Variants in NYAP2 observed in about 807,000 individuals in gnomAD.
NYAP2 encodes the protein neuronal tyrosine-phosphorylated phosphoinositide-3-kinase adaptor 2.
In NYAP2, 23 loss-of-function variants were observed where a neutral mutation model predicts 50.4. The ratio of observed to expected loss-of-function variants is 0.46; its 90% CI spans 0.33 to 0.65. The LOEUF (loss-of-function observed/expected upper bound fraction) is 0.65, where lower values mean the gene tolerates loss of function less well. Ranked by LOEUF, NYAP2 falls within the 30% of genes least tolerant of loss-of-function variation. NYAP2 has a pLI of 0.02. For missense variants in NYAP2, 885 were observed against 861.0 expected (o/e 1.03, Z -0.35); for synonymous variants, 394 against 365.2 (o/e 1.08, Z -0.90).
chr2:225,689,020 G>C, the NYAP2 span, among the ~76,000 whole-genome samples: 3 of 152,164 alleles, frequency 2.0e-5, no homozygotes, highest in Admixed American at 1.3e-4. Context: ...GGGATTACAG[G>C]TGTGAGCCAC....
chr2:225,615,267 T>C (rs1400099988), intron 5 of NYAP2, among the ~76,000 whole-genome samples: 1 of 151,978 alleles, frequency 6.6e-6, no homozygotes, highest in Non-Finnish European at 1.5e-5. Flanking sequence ...AATGAAAAAA[T>C]AGATTGAGTT....
chr2:225,560,588 T>C (rs932876297), intron 4 of NYAP2, among the ~76,000 whole-genome samples: 1 of 152,092 alleles, frequency 6.6e-6, no homozygotes, highest in Admixed American at 6.6e-5. Flanking sequence ...CAGTGGGATC[T>C]TTCCTATCAA....
the NYAP2 span, among the ~76,000 whole-genome samples, chr2:225,681,835 G>T: frequency 6.6e-6 from 1 of 152,076 alleles, no homozygotes; most frequent in African/African-American, 2.4e-5. Context: ...CTTATTCACA[G>T]AGCCTCAGTT....
intron 3 of NYAP2, among the ~76,000 whole-genome samples, chr2:225,480,562 G>A (rs937983197): frequency 4.6e-5 from 7 of 152,020 alleles, no homozygotes; most frequent in African/African-American, 1.4e-4. Flanking sequence ...AAAAATGCAG[G>A]CTTCATAGAA....
chr2:225,409,988 G>A (rs944336103), intron 3 of NYAP2, among the ~76,000 whole-genome samples: 1 of 151,986 alleles, frequency 6.6e-6, no homozygotes, highest in Non-Finnish European at 1.5e-5. Flanking sequence ...GGTTAATTGG[G>A]AGATTTTTTC....
chr2:225,676,703 A>C, the NYAP2 span, among the ~76,000 whole-genome samples: 1 of 152,148 alleles, frequency 6.6e-6, no homozygotes, highest in Non-Finnish European at 1.5e-5. Flanking sequence ...GTCATCTCCC[A>C]CCAGATCCCT....
chr2:225,548,337 G>A (rs1036115212), intron 4 of NYAP2, among the ~76,000 whole-genome samples: 4 of 147,734 alleles, frequency 2.7e-5, no homozygotes, highest in African/African-American at 5.0e-5. Context: ...TACTAGATAC[G>A]CAAAATTCTT....
At chr2:225,655,970 A>G (rs1433073792), downstream of NYAP2, among the ~76,000 whole-genome samples, 2 of 151,300 alleles carry the variant, frequency 1.3e-5, no homozygotes, top group Non-Finnish European at 3.0e-5. Flanking sequence ...AATCTCACAC[A>G]TTCACTCACA....
At chr2:225,434,859 G>GAT (rs1044681231) in intron 3 of NYAP2, among the ~76,000 whole-genome samples, 12 of 152,012 alleles carry the variant, frequency 7.9e-5, no homozygotes, top group African/African-American at 2.4e-4. Context: ...AAGGCAACTT[G>GAT]ATATATATAT....
intron 5 of NYAP2, 132 bp from the exon 6 acceptor site, chr2:225,626,785 T>A: frequency 1.5e-6 from 1 of 675,342 alleles, no homozygotes; most frequent in Non-Finnish European, 2.6e-6. Flanking sequence ...TATATTTAAA[T>A]GTTGTAGTCT....
exon 1 of NYAP2, chr2:225,399,956 T>C (rs905061952): frequency 2.0e-5 from 3 of 152,102 alleles, no homozygotes; most frequent in Non-Finnish European, 4.4e-5. Context: ...GAAGGGTGTT[T>C]CTTTACCCTC....
intron 4 of NYAP2, among the ~76,000 whole-genome samples, chr2:225,553,806 G>T (rs189468653): frequency 6.6e-6 from 1 of 152,248 alleles, no homozygotes; most frequent in Non-Finnish European, 1.5e-5. Flanking sequence ...GGAGGCTGAG[G>T]CGGGTGGATC....
chr2:225,631,943 G>T (rs940232604), intron 6 of NYAP2, among the ~76,000 whole-genome samples: 1 of 151,992 alleles, frequency 6.6e-6, no homozygotes, highest in Admixed American at 6.6e-5. Context: ...TCAGCCTCCC[G>T]AGTAGCTAGG....
At chr2:225,540,564 T>C (rs754153120) in intron 4 of NYAP2, among the ~76,000 whole-genome samples, 56 of 152,198 alleles carry the variant, frequency 3.7e-4, no homozygotes, top group Non-Finnish European at 6.9e-4. Flanking sequence ...ACTTCCCACT[T>C]GGTCCCTTCC....
the NYAP2 span, among the ~76,000 whole-genome samples, chr2:225,697,895 G>A: frequency 6.6e-6 from 1 of 151,796 alleles, no homozygotes; most frequent in African/African-American, 2.4e-5. Flanking sequence ...TTTTTGGACT[G>A]GGCATAGTAG....
chr2:225,498,689 G>A (rs1690549231), intron 3 of NYAP2, among the ~76,000 whole-genome samples: 1 of 152,086 alleles, frequency 6.6e-6, no homozygotes, highest in Non-Finnish European at 1.5e-5. Flanking sequence ...CTTGTAGATG[G>A]TTTGGAAAAT....
chr2:225,486,627 C>T (rs1690302909), intron 3 of NYAP2, among the ~76,000 whole-genome samples: 1 of 152,154 alleles, frequency 6.6e-6, no homozygotes, highest in Non-Finnish European at 1.5e-5. Context: ...GGTTTGTTTC[C>T]AGGCATTGCT....
intron 4 of NYAP2, among the ~76,000 whole-genome samples, chr2:225,580,067 A>G (rs1370386638): frequency 6.6e-6 from 1 of 152,048 alleles, no homozygotes; most frequent in African/African-American, 2.4e-5. Context: ...CTATAACTCA[A>G]TATTTGTAGA....
the NYAP2 span, among the ~76,000 whole-genome samples, chr2:225,696,200 T>A: frequency 6.6e-6 from 1 of 151,978 alleles, no homozygotes; most frequent in Non-Finnish European, 1.5e-5. Context: ...TAGGTCTGTA[T>A]CATTTATTAG....
Sources: allele counts gnomAD v4.1 joint callset (sites outside exome capture counted in the v4.1 genomes callset), GRCh38; gene constraint gnomAD v4.1.1; transcripts MANE v1.5; gene names NCBI Gene and HGNC (gene_info 2026-07-23, HGNC 2026-07-21).